The following SLC6A11 variants were observed in gnomAD, a reference collection of about 807,000 sequenced individuals.
The protein encoded by SLC6A11 is sodium- and chloride-dependent GABA transporter 3.
Under a neutral mutation model 74.8 loss-of-function variants are expected in SLC6A11, and 25 were observed. The ratio of observed to expected loss-of-function variants is 0.33; its 90% CI spans 0.24 to 0.47. The LOEUF is 0.47. Ranked by LOEUF, SLC6A11 falls within the 20% of genes least tolerant of loss-of-function variation. The pLI, the probability that SLC6A11 is intolerant of heterozygous loss-of-function variation, is 1.00. For missense variants in SLC6A11, 574 were observed against 837.0 expected (o/e 0.69, Z 3.88); for synonymous variants, 330 against 330.2 (o/e 1.00, Z 0.01).
At chr3:10,885,229 A>G (rs1247293890) in intron 6 of SLC6A11, among the ~76,000 whole-genome samples, 3 of 152,176 alleles carry the variant, frequency 2.0e-5, no homozygotes, top group Non-Finnish European at 4.4e-5. Context: ...CTTTTATACT[A>G]CGTAGTTGAA....
intron 3 of SLC6A11, among the ~76,000 whole-genome samples, chr3:10,820,402 T>C (rs923316425): frequency 6.6e-6 from 1 of 152,146 alleles, no homozygotes; most frequent in Non-Finnish European, 1.5e-5. Flanking sequence ...ACTTAAACGA[T>C]CTGGTGACAC....
At chr3:10,913,103 T>TG (rs1031139402) in intron 7 of SLC6A11, among the ~76,000 whole-genome samples, 2 of 151,578 alleles carry the variant, frequency 1.3e-5, no homozygotes, top group African/African-American at 4.8e-5. Flanking sequence ...ATAAGTATTT[T>TG]GGGGAAATCA....
intron 6 of SLC6A11, among the ~76,000 whole-genome samples, chr3:10,906,844 A>T (rs1695309105): frequency 6.6e-6 from 1 of 152,244 alleles, no homozygotes; most frequent in Admixed American, 6.5e-5. Flanking sequence ...ATAGTTTTAA[A>T]GAGTTTTTGG....
At chr3:10,818,068 ATTT>A (rs34707916) in intron 1 of SLC6A11, among the ~76,000 whole-genome samples, 1,793 of 137,572 alleles carry the variant, frequency 0.013, 35 homozygotes, top group South Asian at 0.069. Context: ...TCTGTCACAG[ATTT>A]TTTTTTTTTT....
intron 6 of SLC6A11, among the ~76,000 whole-genome samples, chr3:10,886,886 G>T (rs1695049349): frequency 6.6e-6 from 1 of 152,056 alleles, no homozygotes; most frequent in Non-Finnish European, 1.5e-5. Flanking sequence ...CAGGGCTGAT[G>T]GCTGTCTGAA....
intron 6 of SLC6A11, among the ~76,000 whole-genome samples, chr3:10,895,142 G>T (rs1362439501): frequency 2.0e-5 from 3 of 152,096 alleles, no homozygotes; most frequent in Non-Finnish European, 2.9e-5. Context: ...AAGAGAGGGA[G>T]GCCCATGAGG....
chr3:10,940,633 T>A lies in SLC6A11; in HGVS notation c.*2231T>A, dbSNP rs572360677. The A allele has an allele frequency of 1.3e-5, 2 of 152,366 alleles. No individual in the cohort carries two copies. The highest frequency in any genetic ancestry group is 4.1e-4 in the South Asian group (2 of 4,828). 9.4% of individuals were successfully genotyped at this position (152,366 alleles called of 1,614,324 possible). A position where few individuals can be genotyped will look rare whatever the true frequency, so the allele number is the denominator to read the frequency against. ...ATGAAAAAGGTTGTACTGTTTTGCA[T>A]AATGAACATTTTTATTGGGCATTCA... is the stretch of plus-strand genomic sequence containing the variant. On this transcript the variant is annotated 3_prime_UTR_variant, in exon 14 of 14. Coordinates refer to ENST00000254488, the MANE Select transcript of SLC6A11 (RefSeq NM_014229.3).
intron 13 of SLC6A11, chr3:10,935,533 G>T: frequency 4.3e-6 from 1 of 235,036 alleles, no homozygotes; most frequent in Non-Finnish European, 8.3e-6. Flanking sequence ...AGGGTAACAA[G>T]TGTTAGCGCT....
At position 10,819,789 on chromosome 3, in the gene SLC6A11, T is replaced by C; in HGVS notation, c.469T>C (p.Tyr157His). The C allele has an allele frequency of 6.2e-7, 1 of 1,614,258 alleles. No homozygotes were observed. The highest frequency in any genetic ancestry group is 8.5e-7 in the Non-Finnish European group (1 of 1,180,052). Reference sequence around the variant, plus strand: ...CATCATCCTGGCATGGGCCATTTTTTACCTGAGCAACTGCTTCACTACTGA... The same window carrying C: ...CATCATCCTGGCATGGGCCATTTTTCACCTGAGCAACTGCTTCACTACTGA... Reference protein sequence around the residue: ...YIIILAWAIFYLSNCFTTELP... With the variant: ...YIIILAWAIFHLSNCFTTELP... The change falls in exon 3 of 14, where the codon TAC becomes CAC. Residue 157 changes from tyrosine to histidine, a missense_variant. By Grantham distance (83) the Tyr-to-His change is moderately conservative. This residue lies in a region of SLC6A11 where 215 missense variants were observed against 357.9 expected (regional missense o/e 0.60). Coordinates refer to ENST00000254488, the MANE Select transcript of SLC6A11 (RefSeq NM_014229.3).
At chr3:10,923,610 A>G (rs184068983) in intron 8 of SLC6A11, among the ~76,000 whole-genome samples, 174 of 152,310 alleles carry the variant, frequency 1.1e-3, no homozygotes, top group African/African-American at 4.0e-3. Context: ...GAAATATCAA[A>G]TCACCATTAG....
At chr3:10,937,037 C>T (rs773037016) in intron 13 of SLC6A11, among the ~76,000 whole-genome samples, 3 of 152,102 alleles carry the variant, frequency 2.0e-5, no homozygotes, top group Non-Finnish European at 2.9e-5. Context: ...TCAGTTCCCA[C>T]AAAGCTGCTG....
chr3:10,937,152 G>A (rs192362850), intron 13 of SLC6A11, among the ~76,000 whole-genome samples: 23 of 152,266 alleles, frequency 1.5e-4, no homozygotes, highest in African/African-American at 5.3e-4. Flanking sequence ...CATGGTGGCC[G>A]CTCAACTAAT....
At position 10,935,058 on chromosome 3, in the gene SLC6A11, C is replaced by T; in HGVS notation, c.1605C>T (p.Tyr535=). The change falls in exon 13 of 14, where the codon TAC becomes TAT. Residue 535 remains tyrosine (Y), a synonymous_variant. Transcript: ENST00000254488. ...AGIFIFFLIK[Y]KPLKYNNIYT... ...TCTTCATCTTCTTCTTGATCAAGTA[C>T]AAGCCACTCAAGTACAACAACATCT... is the stretch of plus-strand genomic sequence containing the variant. 1 of 1,613,414 alleles carries T rather than the reference C, an allele frequency of 6.2e-7. No individual in the cohort carries two copies. Among genetic ancestry groups the T allele is most frequent in the Non-Finnish European group, 8.5e-7 (1 of 1,179,844 alleles).
In SLC6A11 at chr3:10,911,471, G is replaced by T. The variant is rs113113263; in HGVS notation, c.892-619G>T. ...TTGTGTACCACATAGGAAGCCTAGA[G>T]GGGGGGAGTCTGTTCTGAAAGGGAG... On this transcript the variant is annotated intron_variant, in intron 6 of 13. Transcript: ENST00000254488. Among the ~76,000 whole-genome samples the T allele has an allele frequency of 5.9e-5, 9 of 152,200 alleles. No homozygotes were observed. The South Asian group carries it at 6.2e-4, about 11-fold the overall frequency.
At chr3:10,849,613 T>A (rs1206002489) in intron 5 of SLC6A11, among the ~76,000 whole-genome samples, 1 of 152,198 alleles carries the variant, frequency 6.6e-6, no homozygotes, top group Non-Finnish European at 1.5e-5. Context: ...GCCCTTAGAA[T>A]TTCCCATTTG....
chr3:10,852,045 G>A (rs1384607183), intron 5 of SLC6A11, among the ~76,000 whole-genome samples: 1 of 152,248 alleles, frequency 6.6e-6, no homozygotes, highest in Non-Finnish European at 1.5e-5. Context: ...GGAGTAGAGG[G>A]GGACTGGGGA....
In SLC6A11 at chr3:10,915,696, G is replaced by A. The variant is rs1025072051; in HGVS notation, c.996-2633G>A. On this transcript the variant is annotated intron_variant, in intron 7 of 13. Coordinates refer to ENST00000254488, the MANE Select transcript of SLC6A11 (RefSeq NM_014229.3). This position sits in a 1 kb window ranked among gnomAD's most constrained non-coding sequence, Gnocchi z 4.3. ...TGGGTGTTCTGAGGACTGGAGGGGA[G>A]GAGGGACTGGTCATGCATGGGGCTG... Among the ~76,000 whole-genome samples, 1 of 152,116 alleles carries A rather than the reference G, an allele frequency of 6.6e-6. No individual in the cohort carries two copies. The highest frequency in any genetic ancestry group is 1.5e-5 in the Non-Finnish European group (1 of 68,026).
chr3:10,880,392 C>T (rs1275430157), intron 6 of SLC6A11, among the ~76,000 whole-genome samples: 1 of 152,182 alleles, frequency 6.6e-6, no homozygotes, highest in African/African-American at 2.4e-5. Flanking sequence ...GGCTGTTGGG[C>T]TAGTCTGGGA....
rs773861046 is a variant in SLC6A11, at chr3:10,929,272, G to A, written c.1304G>A (p.Arg435Gln). The A allele has an allele frequency of 1.9e-6, 3 of 1,614,120 alleles. No individual in the cohort carries two copies. The highest frequency in any genetic ancestry group is 2.5e-6 in the Non-Finnish European group (3 of 1,179,992). ...CCCAAGGTTTTCCGGAGGGGTTACC[G>A]GCGGGAGCTGCTCATCCTAGCCTTG... ...MYPKVFRRGY[R>Q]RELLILALSV... is the part of the protein sequence containing the mutation. The change falls in exon 10 of 14, where the codon CGG becomes CAG. Residue 435 changes from arginine (R) to glutamine (Q), a missense_variant. Around this residue, in one of 4 missense-constraint regions of SLC6A11, gnomAD observed 257 missense variants for 341.5 expected, o/e 0.75. Coordinates refer to ENST00000254488, the MANE Select transcript of SLC6A11 (RefSeq NM_014229.3).
Sources: allele counts gnomAD v4.1 joint callset (sites outside exome capture counted in the v4.1 genomes callset), GRCh38; gene constraint gnomAD v4.1.1; regional missense constraint gnomAD v4.1.1; non-coding constraint Gnocchi (gnomAD v3.1); transcripts MANE v1.5; gene names NCBI Gene and HGNC (gene_info 2026-07-23, HGNC 2026-07-21).